VPS8: variants seen among roughly 807,000 people sequenced by gnomAD.
VPS8 encodes VPS8 subunit of CORVET complex, also known as vacuolar protein sorting-associated protein 8 homolog.
A neutral mutation model predicts 216.4 loss-of-function variants in VPS8; 129 were observed. The observed-to-expected ratio is 0.60, with a 90% confidence interval of 0.52 to 0.69. The LOEUF is 0.69. Ranked by LOEUF, VPS8 falls within the 30% of genes least tolerant of loss-of-function variation. The pLI is 0.00. For missense variants in VPS8, 1,531 were observed against 1,683.5 expected, an observed-to-expected ratio of 0.91 and a Z score of 1.59; for synonymous variants, 571 against 565.4, an observed-to-expected ratio of 1.01 and a Z score of -0.14.
At chr3:184,919,458 G>A (rs570961591) in intron 28 of VPS8, among the ~76,000 whole-genome samples, 2 of 152,066 alleles carry the variant, frequency 1.3e-5, no homozygotes, top group African/African-American at 4.8e-5. Context: ...TATGTACTAG[G>A]TTTTTTGTGA....
chr3:184,829,913 C>T (rs1288124700), intron 3 of VPS8, among the ~76,000 whole-genome samples: 1 of 151,994 alleles, frequency 6.6e-6, no homozygotes, highest in South Asian at 2.1e-4. Flanking sequence ...TAATACAAGC[C>T]CTTTATTTGA....
intron 24 of VPS8, among the ~76,000 whole-genome samples, chr3:184,899,514 G>C (rs920400115): frequency 6.6e-6 from 1 of 152,056 alleles, no homozygotes; most frequent in Non-Finnish European, 1.5e-5. Context: ...CTCTTCTTTC[G>C]GTTAGTTTCT....
chr3:184,937,373 G>T (rs898072265), intron 35 of VPS8, among the ~76,000 whole-genome samples: 8 of 152,156 alleles, frequency 5.3e-5, no homozygotes, highest in African/African-American at 1.9e-4. Context: ...GGAAATCAGA[G>T]CAGTGAGTAG....
At position 184,987,669 on chromosome 3, in the gene VPS8, T is replaced by A. The variant is rs924761142; in HGVS notation, c.3585+4575T>A. On this transcript the variant is annotated intron_variant, in intron 42 of 47. Coordinates refer to ENST00000625842, the MANE Select transcript of VPS8 (RefSeq NM_001009921.3). The stretch of plus-strand genomic sequence containing the variant: ...CTTGGTTGCCTTCCAGTTCTGAAAA[T>A]TTTCAGTAAAACAGCTATGAACATT... Among the ~76,000 whole-genome samples the A allele has an allele frequency of 3.3e-5, 5 of 152,284 alleles. No homozygotes were observed. The South Asian group carries it at 8.3e-4, about 25-fold the overall frequency.
intron 13 of VPS8, among the ~76,000 whole-genome samples, chr3:184,854,847 T>C (rs1427486085): frequency 6.6e-6 from 1 of 152,230 alleles, no homozygotes; most frequent in Non-Finnish European, 1.5e-5. Context: ...TTTCCCTTTT[T>C]TTTCTTCTTG....
intron 44 of VPS8, among the ~76,000 whole-genome samples, chr3:184,999,144 G>A (rs1270052818): frequency 1.3e-5 from 2 of 151,974 alleles, no homozygotes; most frequent in Non-Finnish European, 2.9e-5. Context: ...TGCAACCTCC[G>A]CCTCCCGGGT....
intron 1 of VPS8, among the ~76,000 whole-genome samples, chr3:184,818,030 T>C (rs1560236901): frequency 6.6e-6 from 1 of 151,294 alleles, no homozygotes; most frequent in Admixed American, 6.6e-5. Context: ...GTTAGATAAA[T>C]GTAGAGAAAA....
chr3:185,031,193 A>G (rs1235450459), intron 46 of VPS8, among the ~76,000 whole-genome samples: 2 of 150,572 alleles, frequency 1.3e-5, no homozygotes, highest in Non-Finnish European at 2.9e-5. Context: ...TGATAGTTTC[A>G]CAAAAGTCAA....
intron 4 of VPS8, among the ~76,000 whole-genome samples, chr3:184,834,210 C>T (rs1004803544): frequency 6.6e-6 from 1 of 152,248 alleles, no homozygotes; most frequent in Admixed American, 6.5e-5. Flanking sequence ...AGGCAGCCTT[C>T]TGGAGAACAT....
chr3:184,944,915 A>G (rs1743403333), intron 36 of VPS8, among the ~76,000 whole-genome samples: 1 of 152,164 alleles, frequency 6.6e-6, no homozygotes, highest in African/African-American at 2.4e-5. Flanking sequence ...CAGTATTGAA[A>G]TAATATATTT....
intron 25 of VPS8, among the ~76,000 whole-genome samples, chr3:184,905,809 G>T (rs1735395835): frequency 6.6e-6 from 1 of 151,952 alleles, no homozygotes; most frequent in African/African-American, 2.4e-5. Context: ...AACTTCATTA[G>T]TAATGTAAGA....
At chr3:184,927,423 G>A (rs900070154) in intron 31 of VPS8, among the ~76,000 whole-genome samples, 1 of 152,248 alleles carries the variant, frequency 6.6e-6, no homozygotes, top group African/African-American at 2.4e-5. Flanking sequence ...AGTGACTGCT[G>A]CAGAGTATCC....
Position 184,926,332 on chromosome 3 carries a change from G to A in VPS8, c.2575-262G>A, listed in dbSNP as rs540410614. ...GCAGAGCTTGCAGTGAACTGAGATCGCGCCACTGCACTCCAGCCTGGGCGA... is the reference window on the plus strand; with the variant it reads ...GCAGAGCTTGCAGTGAACTGAGATCACGCCACTGCACTCCAGCCTGGGCGA... On this transcript the variant is annotated intron_variant, in intron 30 of 47. Coordinates refer to ENST00000625842, the MANE Select transcript of VPS8 (RefSeq NM_001009921.3). 2.6e-4 allele frequency among the ~76,000 whole-genome samples: 40 copies of A among 151,576 alleles called. 1 individual carries two copies. The South Asian group carries it at 6.9e-3, about 26-fold the overall frequency.
chr3:184,998,570 A>G (rs889506480), intron 44 of VPS8, among the ~76,000 whole-genome samples: 1 of 141,366 alleles, frequency 7.1e-6, no homozygotes, highest in African/African-American at 2.6e-5. Flanking sequence ...GGAAGAAAAA[A>G]GAAAAAGAGT....
chr3:184,962,790 G>A (rs986748056), intron 37 of VPS8, among the ~76,000 whole-genome samples: 1 of 149,462 alleles, frequency 6.7e-6, no homozygotes, highest in Admixed American at 6.6e-5. Context: ...CTATTTTAAT[G>A]GAATAAAGGA....
intron 45 of VPS8, among the ~76,000 whole-genome samples, chr3:185,018,521 C>G (rs970920505): frequency 6.6e-6 from 1 of 152,220 alleles, no homozygotes; most frequent in African/African-American, 2.4e-5. Flanking sequence ...GCGTTGCAAG[C>G]AGCCTGAATG....
chr3:184,947,563 A>T (rs546525721), intron 36 of VPS8, among the ~76,000 whole-genome samples: 154 of 150,124 alleles, frequency 1.0e-3, no homozygotes, highest in African/African-American at 3.5e-3. Flanking sequence ...TTTTTTTTTT[A>T]AATCAAAATC....
At chr3:184,842,209 A>AAAAAAAAAAAAAAAAAAAAAAAG (rs1553828675) in intron 7 of VPS8, among the ~76,000 whole-genome samples, 1 of 149,378 alleles carries the variant, frequency 6.7e-6, no homozygotes, top group East Asian at 2.0e-4. Context: ...AAAAAAAAAA[A>AAAAAAAAAAAAAAAAAAAAAAAG]GAATATGTGA....
intron 1 of VPS8, among the ~76,000 whole-genome samples, chr3:184,813,257 A>G (rs1577667305): frequency 6.6e-6 from 1 of 152,126 alleles, no homozygotes; most frequent in Admixed American, 6.5e-5. Context: ...TGGCCTCTGC[A>G]CCATCCACCC....
Sources: gnomAD v4.1 joint callset for allele counts (sites outside exome capture counted in the v4.1 genomes callset) on GRCh38, gnomAD v4.1.1 for gene constraint, MANE v1.5 for transcripts, NCBI Gene and HGNC (gene_info 2026-07-23, HGNC 2026-07-21) for gene names.